Variants in UST observed in about 807,000 individuals in gnomAD.
UST encodes uronyl 2-sulfotransferase, also known as chondroitin sulfate 2-O-sulfotransferase.
A neutral mutation model predicts 45.6 loss-of-function variants in UST; 21 were observed. That is an observed-to-expected ratio of 0.46 (90% CI 0.33 to 0.66). The LOEUF is 0.66. Among genes scored for constraint, UST ranks in the 30% least tolerant of loss-of-function variants. The pLI is 0.02. For missense variants in UST, 463 were observed against 512.4 expected, an observed-to-expected ratio of 0.90 and a Z score of 0.93; for synonymous variants, 215 against 200.6, an observed-to-expected ratio of 1.07 and a Z score of -0.61.
intron 1 of UST, 92 bp downstream of exon 1, chr6:148,747,769 C>G: frequency 7.1e-7 from 1 of 1,412,004 alleles, no homozygotes. Flanking sequence ...CGCGCTGCCA[C>G]CGCGCGCCGC....
intron 1 of UST, among the ~76,000 whole-genome samples, chr6:148,796,871 C>T (rs1776961394): frequency 7.5e-6 from 1 of 133,338 alleles, no homozygotes; most frequent in African/African-American, 2.8e-5. Flanking sequence ...GGCGTGATCT[C>T]AGCTCGCTGC....
At chr6:149,003,468 C>T (rs1015285923) in intron 5 of UST, among the ~76,000 whole-genome samples, 1 of 151,668 alleles carries the variant, frequency 6.6e-6, no homozygotes, top group Non-Finnish European at 1.5e-5. Context: ...ATTAAGGCAC[C>T]TAGTAGTTTT....
intron 2 of UST, among the ~76,000 whole-genome samples, chr6:148,933,450 G>C (rs1479875185): frequency 6.6e-6 from 1 of 152,208 alleles, no homozygotes; most frequent in Non-Finnish European, 1.5e-5. Context: ...ATTGTTTCAA[G>C]TGGGAACAGG....
At chr6:148,905,423 C>T (rs1779336783) in intron 2 of UST, among the ~76,000 whole-genome samples, 1 of 152,230 alleles carries the variant, frequency 6.6e-6, no homozygotes, top group African/African-American at 2.4e-5. Flanking sequence ...CCCCTTCCTC[C>T]ACTCCATGGA....
intron 7 of UST, among the ~76,000 whole-genome samples, chr6:149,070,218 C>T (rs977029727): frequency 6.6e-6 from 1 of 152,164 alleles, no homozygotes; most frequent in East Asian, 1.9e-4. Flanking sequence ...TCCTCTGCCT[C>T]TCAATGTTTG....
At chr6:148,981,847 A>G (rs923209187) in intron 5 of UST, among the ~76,000 whole-genome samples, 5 of 152,314 alleles carry the variant, frequency 3.3e-5, no homozygotes, top group African/African-American at 1.2e-4. Flanking sequence ...TCTAGGCCAT[A>G]AAATGGATGT....
chr6:148,875,769 G>A (rs1047513944), intron 1 of UST, among the ~76,000 whole-genome samples: 4 of 152,190 alleles, frequency 2.6e-5, no homozygotes, highest in South Asian at 4.1e-4. Flanking sequence ...GCACCACTGC[G>A]CTCCCGCTTC....
chr6:148,941,059 C>T (rs1248301523), intron 2 of UST, among the ~76,000 whole-genome samples: 1 of 152,096 alleles, frequency 6.6e-6, no homozygotes, highest in Admixed American at 6.5e-5. Context: ...TTCATCAGTG[C>T]AGAGAGTTAA....
intron 2 of UST, among the ~76,000 whole-genome samples, chr6:148,920,447 G>C (rs77456857): frequency 0.028 from 4,337 of 152,206 alleles, 225 homozygotes; most frequent in African/African-American, 0.099. Flanking sequence ...CTGATGCCCT[G>C]AGGATGGAGG....
At chr6:148,764,991 G>A (rs531757684) in intron 1 of UST, among the ~76,000 whole-genome samples, 18 of 152,178 alleles carry the variant, frequency 1.2e-4, no homozygotes, top group Admixed American at 3.9e-4. Context: ...TAGAGGCCCC[G>A]CCCTAGGAAT....
At chr6:148,820,949 T>G (rs1432964519) in intron 1 of UST, among the ~76,000 whole-genome samples, 1 of 149,742 alleles carries the variant, frequency 6.7e-6, no homozygotes, top group Non-Finnish European at 1.5e-5. Context: ...AATTGTCATG[T>G]AGTATTTTTT....
intron 5 of UST, among the ~76,000 whole-genome samples, chr6:148,972,696 C>T (rs1477332703): frequency 1.3e-5 from 2 of 152,256 alleles, no homozygotes; most frequent in African/African-American, 4.8e-5. Context: ...GTCAGCGGAG[C>T]TGCTGCAGCT....
At chr6:148,936,165 T>C (rs1389519637) in intron 2 of UST, among the ~76,000 whole-genome samples, 3 of 152,232 alleles carry the variant, frequency 2.0e-5, no homozygotes, top group Non-Finnish European at 4.4e-5. Flanking sequence ...ATGATATTTC[T>C]GGGCTTCAGT....
rs79500958 is a variant in UST, at chr6:148,934,420, G to T, written c.292-6859G>T. On this transcript the variant is annotated intron_variant, in intron 2 of 7. Transcript: ENST00000367463. This position sits in a 1 kb window ranked among gnomAD's most constrained non-coding sequence, Gnocchi z 4.1. ...AGTCAGTATAATATTCATGCTAAGG[G>T]TCTAATGCTTTAACAACATTCAGTA... is the stretch of plus-strand genomic sequence containing the variant. 8.1e-3 allele frequency among the ~76,000 whole-genome samples: 1,234 copies of T among 152,322 alleles called. 12 individuals are homozygous for T. The highest frequency in any genetic ancestry group is 0.029 in the African/African-American group (1,188 of 41,568).
At chr6:149,032,026 G>A (rs1473744068) in intron 7 of UST, among the ~76,000 whole-genome samples, 2 of 152,210 alleles carry the variant, frequency 1.3e-5, no homozygotes, top group African/African-American at 2.4e-5. Flanking sequence ...GCCAGCCCAC[G>A]TCAGCCCCTG....
chr6:148,946,383 C>T (rs1395210882), intron 3 of UST, among the ~76,000 whole-genome samples: 2 of 151,024 alleles, frequency 1.3e-5, no homozygotes, highest in African/African-American at 2.4e-5. Context: ...TGGTGGTGCA[C>T]GCCTGTAATC....
chr6:148,953,968 T>C lies in UST; in HGVS notation c.527+17T>C. 1 of 1,574,232 alleles carries C rather than the reference T, an allele frequency of 6.4e-7. No homozygotes were observed. The highest frequency in any genetic ancestry group is 2.3e-5 in the East Asian group (1 of 44,038). ...CTTCTCAAGGTAAGACATTTTCCAG[T>C]TTAATGGTTCTTTCATTTTCTTCTA... On this transcript the variant is annotated intron_variant, in intron 4 of 7. Coordinates refer to ENST00000367463, the MANE Select transcript of UST (RefSeq NM_005715.3).
chr6:149,074,266 G>A lies in UST; in HGVS notation c.*150G>A, dbSNP rs1013977741. The A allele has an allele frequency of 7.3e-6, 6 of 817,740 alleles. No homozygotes were observed. The highest frequency in any genetic ancestry group is 5.2e-5 in the African/African-American group (3 of 57,670). The allele number at this position is 817,740 out of a possible 1,614,324, so 50.7% of individuals were successfully genotyped here. A position where few individuals can be genotyped will look rare whatever the true frequency, so the allele number is the denominator to read the frequency against. On this transcript the variant is annotated 3_prime_UTR_variant, in exon 8 of 8. Coordinates refer to ENST00000367463, the MANE Select transcript of UST (RefSeq NM_005715.3). ...TGTTGGGGTCATTGGGAGATGCCCG[G>A]TTTTGCGGGTTTTATTTGTTTAATT...
At chr6:148,898,609 G>A (rs1049035840) in intron 2 of UST, among the ~76,000 whole-genome samples, 2 of 152,154 alleles carry the variant, frequency 1.3e-5, no homozygotes, top group African/African-American at 2.4e-5. Context: ...AGCATGTAAT[G>A]TGTCTACTCT....
Sources: allele counts gnomAD v4.1 joint callset (sites outside exome capture counted in the v4.1 genomes callset), GRCh38; gene constraint gnomAD v4.1.1; non-coding constraint Gnocchi (gnomAD v3.1); transcripts MANE v1.5; gene names NCBI Gene and HGNC (gene_info 2026-07-23, HGNC 2026-07-21).